ATP1B1: variants seen among roughly 807,000 people sequenced by gnomAD.
ATP1B1 encodes sodium/potassium-transporting ATPase subunit beta-1.
A neutral mutation model predicts 39.6 loss-of-function variants in ATP1B1; 3 were observed. That is an observed-to-expected ratio of 0.08 (90% CI 0.03 to 0.20). The LOEUF is 0.20. ATP1B1 is among the 10% of genes least tolerant of loss of function. ATP1B1 has a pLI of 1.00. For missense variants in ATP1B1, 216 were observed against 371.1 expected, an observed-to-expected ratio of 0.58 and a Z score of 3.43; for synonymous variants, 139 against 135.0, an observed-to-expected ratio of 1.03 and a Z score of -0.20.
rs896512380 is a variant in ATP1B1 at position 169,111,507 on chromosome 1, C to T, written c.226+9C>T. 1 of 1,612,538 alleles carries T rather than the reference C, an allele frequency of 6.2e-7. No homozygotes were observed. The highest frequency in any genetic ancestry group is 8.5e-7 in the Non-Finnish European group (1 of 1,179,180). On this transcript the variant is annotated intron_variant, in intron 2 of 5. Coordinates refer to ENST00000367815, the MANE Select transcript of ATP1B1 (RefSeq NM_001677.4). ...CCGAGTGGCCCCGCCAGGTAAAATC[C>T]ACATGAATAGCTTCATTTCCTTCAG...
chr1:169,113,609 T>G lies in ATP1B1; in HGVS notation c.226+2111T>G, dbSNP rs118147419. On this transcript the variant is annotated intron_variant, in intron 2 of 5. Coordinates refer to ENST00000367815, the MANE Select transcript of ATP1B1 (RefSeq NM_001677.4). Reference sequence around the variant, plus strand: ...GTAAGGACTTGGAAATGACCTTGCCTGTAAATCAACTGGCTGAAGTGCTCA... The same window carrying G: ...GTAAGGACTTGGAAATGACCTTGCCGGTAAATCAACTGGCTGAAGTGCTCA... Among the ~76,000 whole-genome samples the G allele has an allele frequency of 3.2e-4, 49 of 152,364 alleles. No individual in the cohort carries two copies. In the East Asian group the frequency reaches 7.7e-3, roughly 24 times the overall value.
chr1:169,109,304 G>T (rs1325613997), intron 1 of ATP1B1, among the ~76,000 whole-genome samples: 1 of 152,112 alleles, frequency 6.6e-6, no homozygotes, highest in Non-Finnish European at 1.5e-5. Context: ...GTGAAAGGGA[G>T]ATGCCTCTGA....
chr1:169,109,928 G>A (rs1657692199), intron 1 of ATP1B1, among the ~76,000 whole-genome samples: 1 of 152,070 alleles, frequency 6.6e-6, no homozygotes, highest in South Asian at 2.1e-4. Context: ...CTGCTGCTTG[G>A]ATACAGAATG....
At chr1:169,116,019 C>T (rs1261463577) in intron 2 of ATP1B1, among the ~76,000 whole-genome samples, 1 of 152,234 alleles carries the variant, frequency 6.6e-6, no homozygotes, top group Non-Finnish European at 1.5e-5. Context: ...ATTAGCTATG[C>T]TGGAGAGGGC....
At chr1:169,128,213 C>CAA in intron 4 of ATP1B1, among the ~76,000 whole-genome samples, 1 of 152,148 alleles carries the variant, frequency 6.6e-6, no homozygotes, top group Non-Finnish European at 1.5e-5. Flanking sequence ...CCCTAATCAC[C>CAA]CGTATATGAG....
Position 169,132,632 on chromosome 1 carries a change from C to G in ATP1B1, c.*1077C>G. On this transcript the variant is annotated 3_prime_UTR_variant, in exon 6 of 6. Transcript: ENST00000367815. ...CTACAGTGCAAAATCCATGTTCTAA[C>G]ATATGTAATAATTGCCAGGAGTACA... 1.6e-6 allele frequency: 1 copy of G among 640,164 alleles called. No homozygotes were observed. Among genetic ancestry groups the G allele is most frequent in the Non-Finnish European group, 2.7e-6 (1 of 374,982 alleles). The allele number at this position is 640,164 out of a possible 1,614,324, so 39.7% of individuals were successfully genotyped here. A position where few individuals can be genotyped will look rare whatever the true frequency, so the allele number is the denominator to read the frequency against.
intron 1 of ATP1B1, chr1:169,107,851 C>T (rs946893954): frequency 6.6e-6 from 1 of 151,854 alleles, no homozygotes; most frequent in South Asian, 2.1e-4. Flanking sequence ...GGAGGGAACT[C>T]CCCCTGCTGC....
At chr1:169,109,334 C>T (rs1200130) in intron 1 of ATP1B1, among the ~76,000 whole-genome samples, 37,606 of 151,972 alleles carry the variant, frequency 0.25, 4,882 homozygotes, top group Middle Eastern at 0.4. Flanking sequence ...GCTCCCCTCA[C>T]AGTGCCACCC....
In ATP1B1 at chr1:169,132,579, T is replaced by A. The variant is rs1227779204; in HGVS notation, c.*1024T>A. 4 of 468,322 alleles carry A rather than the reference T, an allele frequency of 8.5e-6. No individual in the cohort carries two copies. The highest frequency in any genetic ancestry group is 1.5e-5 in the Non-Finnish European group (4 of 266,614). The allele number at this position is 468,322 out of a possible 1,614,324, so 29.0% of individuals were successfully genotyped here. ...TTGAACTTTATAAAAAGCAATGCAG[T>A]ACCCCATAGACTGGTGTTAAATGTT... is the stretch of plus-strand genomic sequence containing the variant. On this transcript the variant is annotated 3_prime_UTR_variant, in exon 6 of 6. Transcript: ENST00000367815.
At chr1:169,121,650 CA>C (rs1657982717) in intron 2 of ATP1B1, among the ~76,000 whole-genome samples, 1 of 152,188 alleles carries the variant, frequency 6.6e-6, no homozygotes, top group Non-Finnish European at 1.5e-5. Context: ...AGAGGCAAAC[CA>C]CTGGAGAGGC....
chr1:169,121,329 C>T (rs1035709907), intron 2 of ATP1B1, among the ~76,000 whole-genome samples: 3 of 152,164 alleles, frequency 2.0e-5, no homozygotes. Context: ...TAGTTTTGGT[C>T]ATAGCCCCTA....
intron 3 of ATP1B1, among the ~76,000 whole-genome samples, chr1:169,126,586 CT>C (rs1658090650): frequency 6.6e-6 from 1 of 152,178 alleles, no homozygotes; most frequent in African/African-American, 2.4e-5. Flanking sequence ...TGGCACACGC[CT>C]GTAGTCCCAG....
At chr1:169,120,090 G>A (rs576347257) in intron 2 of ATP1B1, among the ~76,000 whole-genome samples, 1 of 152,206 alleles carries the variant, frequency 6.6e-6, no homozygotes, top group East Asian at 1.9e-4. Flanking sequence ...ATTTCCAGGA[G>A]AAGTTCTCAG....
rs1553237591 is a variant in ATP1B1 at position 169,132,034 on chromosome 1, T to TG, written c.*479_*480insG. On this transcript the variant is annotated 3_prime_UTR_variant, in exon 6 of 6. Transcript: ENST00000367815. ...TGGCATGGTAATTTTTTTTTTTTTT[T>TG]TTTTTTTGTTTTTTGGCTCTTTCAA... 4.7e-5 allele frequency: 11 copies of TG among 236,344 alleles called. No individual in the cohort carries two copies. Among genetic ancestry groups the TG allele is most frequent in the South Asian group, 1.4e-4 (3 of 20,926 alleles). 14.6% of individuals were successfully genotyped at this position (236,344 alleles called of 1,614,324 possible). A position where few individuals can be genotyped will look rare whatever the true frequency, so the allele number is the denominator to read the frequency against.
intron 3 of ATP1B1, among the ~76,000 whole-genome samples, chr1:169,126,177 A>T (rs1658081348): frequency 6.6e-6 from 1 of 152,078 alleles, no homozygotes; most frequent in South Asian, 2.1e-4. Flanking sequence ...TTCAGTGTGA[A>T]TTTTTCTCAT....
chr1:169,131,270 T>C lies in ATP1B1; in HGVS notation c.649-22T>C. 5 of 1,609,458 alleles carry C rather than the reference T, an allele frequency of 3.1e-6. No individual in the cohort carries two copies. Among genetic ancestry groups the C allele is most frequent in the Non-Finnish European group, 3.4e-6 (4 of 1,177,096 alleles). The stretch of plus-strand genomic sequence containing the variant: ...GATGCATGATGTGAGCCATTAAAAT[T>C]TCATTTCATTCTGGATTTCAGCGAG... On this transcript the variant is annotated intron_variant, in intron 5 of 5. Transcript: ENST00000367815. The surrounding 1 kb of genome is among the most constrained non-coding windows in gnomAD (Gnocchi z 4.4).
intron 2 of ATP1B1, among the ~76,000 whole-genome samples, chr1:169,112,024 T>C (rs1325003854): frequency 1.3e-5 from 2 of 152,212 alleles, no homozygotes; most frequent in Non-Finnish European, 2.9e-5. Flanking sequence ...GCCATGACTT[T>C]AGGGGTCTAT....
Position 169,132,647 on chromosome 1 carries a change from C to A in ATP1B1, c.*1092C>A, listed in dbSNP as rs1557954998. On this transcript the variant is annotated 3_prime_UTR_variant, in exon 6 of 6. Transcript: ENST00000367815. ...CATGTTCTAACATATGTAATAATTGCCAGGAGTACAGTGCTCTTGTTGATC... is the reference window on the plus strand; with the variant it reads ...CATGTTCTAACATATGTAATAATTGACAGGAGTACAGTGCTCTTGTTGATC... 1.4e-6 allele frequency: 1 copy of A among 714,518 alleles called. No individual in the cohort carries two copies. The highest frequency in any genetic ancestry group is 2.3e-6 in the Non-Finnish European group (1 of 434,788). 44.3% of individuals were successfully genotyped at this position (714,518 alleles called of 1,614,324 possible). A position where few individuals can be genotyped will look rare whatever the true frequency, so the allele number is the denominator to read the frequency against.
At chr1:169,108,756 A>G (rs1657662101) in intron 1 of ATP1B1, among the ~76,000 whole-genome samples, 1 of 152,194 alleles carries the variant, frequency 6.6e-6, no homozygotes, top group Non-Finnish European at 1.5e-5. Flanking sequence ...CCTATCCAGC[A>G]AGCTATCAGT....
Sources: gnomAD v4.1 joint callset for allele counts (sites outside exome capture counted in the v4.1 genomes callset) on GRCh38, gnomAD v4.1.1 for gene constraint, Gnocchi (gnomAD v3.1) non-coding constraint, MANE v1.5 for transcripts, NCBI Gene and HGNC (gene_info 2026-07-23, HGNC 2026-07-21) for gene names.